The following CGREF1 variants were observed in gnomAD, a reference collection of about 807,000 sequenced individuals.
CGREF1 encodes the protein cell growth regulator with EF-hand domain 1, also known as cell growth regulator with EF hand domain protein 1.
A neutral mutation model predicts 17.4 loss-of-function variants in CGREF1; 16 were observed. The observed-to-expected ratio is 0.92, with a 90% CI of 0.62 to 1.40. The LOEUF (loss-of-function observed/expected upper bound fraction) is 1.40. CGREF1 is among the 40% of genes most tolerant of loss of function. The pLI, the probability that CGREF1 is intolerant of heterozygous loss-of-function variation, is 0.00. For synonymous variants in CGREF1, 142 were observed against 154.6 expected, an observed-to-expected ratio of 0.92 and a Z score of 0.61; for missense variants, 296 against 376.4, an observed-to-expected ratio of 0.79 and a Z score of 1.77.
At chr2:27,115,176 T>TTAG (rs1671528166) in intron 1 of CGREF1, among the ~76,000 whole-genome samples, 1 of 152,222 alleles carries the variant, frequency 6.6e-6, no homozygotes, top group Non-Finnish European at 1.5e-5. Context: ...GGCCCTGTGC[T>TTAG]TAGGCTAATG....
chr2:27,099,782 G>A, downstream of CGREF1: 1 of 1,609,752 alleles, frequency 6.2e-7, no homozygotes, highest in Non-Finnish European at 8.5e-7. Flanking sequence ...ACACCATGGA[G>A]ACTACCATTG....
At chr2:27,109,885 CAAAAAAAAAA>C (rs55824603) in intron 1 of CGREF1, among the ~76,000 whole-genome samples, 5 of 65,822 alleles carry the variant, frequency 7.6e-5, no homozygotes, top group Non-Finnish European at 1.0e-4. Context: ...GACTCCGTCT[CAAAAAAAAAA>C]AAAAAAAAAA....
At chr2:27,113,489 C>A (rs1239007441) in intron 1 of CGREF1, among the ~76,000 whole-genome samples, 1 of 152,102 alleles carries the variant, frequency 6.6e-6, no homozygotes, top group Non-Finnish European at 1.5e-5. Context: ...TTTCTTTTTC[C>A]CCCTAAAGCT....
intron 1 of CGREF1, among the ~76,000 whole-genome samples, chr2:27,117,395 G>C (rs1457174348): frequency 1.3e-5 from 2 of 152,204 alleles, no homozygotes; most frequent in Non-Finnish European, 2.9e-5. Flanking sequence ...TTGAACCACT[G>C]CCTGTCCAAT....
At position 27,101,852 on chromosome 2, in the gene CGREF1, C is replaced by G. The variant is rs370074189; in HGVS notation, c.379G>C (p.Asp127His). 5 of 1,613,720 alleles carry G rather than the reference C, an allele frequency of 3.1e-6. No individual in the cohort carries two copies. In the Admixed American group the frequency reaches 5.0e-5, roughly 16 times the overall value. The change falls in exon 6 of 6, where the codon GAC (aspartate) becomes CAC (histidine). Residue 127 changes from aspartate to histidine, a missense_variant. Asp to His is a moderately conservative substitution (Grantham distance 81). Around this residue, in one of 3 missense-constraint regions of CGREF1, gnomAD observed 247 missense variants for 267.2 expected, o/e 0.92. Transcript: ENST00000402394. Reference sequence around the variant, plus strand: ...GTCATGAGCCCATCCCCATTCAGGTCCTGGGTCTCGAGCACTTTGTCCACT... The same window carrying G: ...GTCATGAGCCCATCCCCATTCAGGTGCTGGGTCTCGAGCACTTTGTCCACT... ...LIVDKVLETQ[D>H]LNGDGLMTPA... is the part of the protein sequence containing the mutation.
At chr2:27,106,719 C>T (rs1398858570) in intron 1 of CGREF1, among the ~76,000 whole-genome samples, 2 of 152,122 alleles carry the variant, frequency 1.3e-5, no homozygotes, top group African/African-American at 4.8e-5. Context: ...CGGGCTCAAG[C>T]GATTCTCCTG....
At chr2:27,114,695 G>C (rs1671510638) in intron 1 of CGREF1, among the ~76,000 whole-genome samples, 1 of 152,154 alleles carries the variant, frequency 6.6e-6, no homozygotes, top group African/African-American at 2.4e-5. Context: ...ACGGAAGAGA[G>C]AGTGTGGAGA....
At chr2:27,111,450 AC>A (rs1454659591) in intron 1 of CGREF1, among the ~76,000 whole-genome samples, 1 of 152,238 alleles carries the variant, frequency 6.6e-6, no homozygotes, top group African/African-American at 2.4e-5. Flanking sequence ...AGCTGGCTTC[AC>A]CCAGTGGATC....
At chr2:27,103,260 C>T (rs888914039) in intron 2 of CGREF1, among the ~76,000 whole-genome samples, 1 of 152,184 alleles carries the variant, frequency 6.6e-6, no homozygotes, top group African/African-American at 2.4e-5. Flanking sequence ...GGCTGTTTCC[C>T]CTTCTACCCA....
chr2:27,118,515 G>A (rs1040421542), intron 1 of CGREF1, among the ~76,000 whole-genome samples: 2 of 152,140 alleles, frequency 1.3e-5, no homozygotes, highest in African/African-American at 2.4e-5. Context: ...CTTCCCCGTC[G>A]GATGAGGGGG....
At chr2:27,114,770 AG>A (rs140395473) in intron 1 of CGREF1, among the ~76,000 whole-genome samples, 2,657 of 152,212 alleles carry the variant, frequency 0.017, 29 homozygotes, top group Non-Finnish European at 0.026. Flanking sequence ...ACAACCAGAC[AG>A]GGGAGAGAGC....
At chr2:27,107,947 A>G (rs112429096) in intron 1 of CGREF1, among the ~76,000 whole-genome samples, 2,019 of 148,290 alleles carry the variant, frequency 0.014, 44 homozygotes, top group African/African-American at 0.048. Flanking sequence ...AAAAAAAAAA[A>G]AAAGAAAGAA....
chr2:27,113,974 A>G (rs1671484926), intron 1 of CGREF1, among the ~76,000 whole-genome samples: 1 of 140,974 alleles, frequency 7.1e-6, no homozygotes, highest in South Asian at 2.3e-4. Context: ...ACGTGTTCTT[A>G]CATACTAGCA....
chr2:27,106,676 G>A (rs1230491629), intron 1 of CGREF1, among the ~76,000 whole-genome samples: 2 of 152,120 alleles, frequency 1.3e-5, no homozygotes, highest in African/African-American at 4.8e-5. Flanking sequence ...AGTTGCTGTG[G>A]CATGATATCA....
rs1363218796 is a variant in CGREF1, at chr2:27,102,870, G to A, written c.81-279C>T. 3 of 937,484 alleles carry A rather than the reference G, an allele frequency of 3.2e-6. No homozygotes were observed. In the African/African-American group the frequency reaches 5.3e-5, roughly 17 times the overall value. 58.1% of individuals were successfully genotyped at this position (937,484 alleles called of 1,614,324 possible). A position where few individuals can be genotyped will look rare whatever the true frequency, so the allele number is the denominator to read the frequency against. The stretch of plus-strand genomic sequence containing the variant: ...TAGAGGCCAGATGAGGCCACACCTA[G>A]TAGACACAAGTTAGAGATCCAAGAA... On this transcript the variant is annotated intron_variant, in intron 2 of 5. Transcript: ENST00000402394.
intron 1 of CGREF1, among the ~76,000 whole-genome samples, chr2:27,109,307 G>A (rs1197588968): frequency 1.3e-5 from 2 of 151,502 alleles, no homozygotes; most frequent in Non-Finnish European, 2.9e-5. Flanking sequence ...AAGAGGTGAA[G>A]GAGGCAGTGA....
downstream of CGREF1, chr2:27,100,037 C>T: frequency 1.5e-6 from 1 of 646,938 alleles, no homozygotes; most frequent in East Asian, 2.7e-5. Context: ...TCGATCCTCC[C>T]TCTTTGTGTC....
At chr2:27,100,573 G>A, downstream of CGREF1, 1 of 1,282,786 alleles carries the variant, frequency 7.8e-7, no homozygotes, top group South Asian at 1.2e-5. Context: ...TAATGTAAAG[G>A]GCTTTAGAGT....
chr2:27,100,124 C>A, downstream of CGREF1: 1 of 549,436 alleles, frequency 1.8e-6, no homozygotes, highest in Admixed American at 3.1e-5. Context: ...GTGCCCTGGG[C>A]TTGCCACCAG....
Sources: gnomAD v4.1 joint callset for allele counts (sites outside exome capture counted in the v4.1 genomes callset) on GRCh38, gnomAD v4.1.1 for gene constraint, gnomAD v4.1.1 regional missense constraint, MANE v1.5 for transcripts, NCBI Gene and HGNC (gene_info 2026-07-23, HGNC 2026-07-21) for gene names.